The following DAB1 variants were observed in gnomAD, a reference collection of about 807,000 sequenced individuals.
DAB1 encodes the protein DAB adaptor protein 1.
In DAB1, 15 loss-of-function variants were observed where a neutral mutation model predicts 64.6. That is an observed-to-expected ratio of 0.23 (90% CI 0.16 to 0.36). The LOEUF (loss-of-function observed/expected upper bound fraction) is 0.36, where lower values mean the gene tolerates loss of function less well. Ranked by LOEUF, DAB1 falls within the 10% of genes least tolerant of loss-of-function variation. DAB1 has a pLI of 1.00. For missense variants in DAB1, 596 were observed against 706.7 expected (o/e 0.84, Z 1.78); for synonymous variants, 235 against 251.9 (o/e 0.93, Z 0.64).
chr1:57,314,450 A>T (rs1430267925), intron 1 of DAB1, among the ~76,000 whole-genome samples: 1 of 152,104 alleles, frequency 6.6e-6, no homozygotes, highest in Non-Finnish European at 1.5e-5. Flanking sequence ...TCATCAGAGG[A>T]TTGGCAGGTC....
intron 3 of DAB1, among the ~76,000 whole-genome samples, chr1:58,364,747 GA>G (rs536635834): frequency 6.6e-6 from 1 of 152,168 alleles, no homozygotes; most frequent in African/African-American, 2.4e-5. Context: ...CAAACAAGGG[GA>G]AAAAATCCAC....
At chr1:57,127,336 A>T (rs1489642989) in intron 4 of DAB1, among the ~76,000 whole-genome samples, 1 of 152,170 alleles carries the variant, frequency 6.6e-6, no homozygotes, top group Non-Finnish European at 1.5e-5. Flanking sequence ...TCCATTACTC[A>T]GTTGACCCTC....
At chr1:58,535,375 T>A (rs1200809312) in intron 1 of DAB1, among the ~76,000 whole-genome samples, 1 of 152,046 alleles carries the variant, frequency 6.6e-6, no homozygotes, top group Admixed American at 6.5e-5. Flanking sequence ...GGTGGGCAGA[T>A]CACGAGGTCA....
intron 7 of DAB1, among the ~76,000 whole-genome samples, chr1:57,442,769 G>A (rs945172551): frequency 4.6e-5 from 7 of 152,354 alleles, no homozygotes; most frequent in African/African-American, 1.2e-4. Flanking sequence ...CCGCCCCTGC[G>A]AGTGTCATTT....
chr1:58,391,683 G>C (rs917692963), intron 3 of DAB1, among the ~76,000 whole-genome samples: 3 of 152,034 alleles, frequency 2.0e-5, no homozygotes, highest in Non-Finnish European at 2.9e-5. Flanking sequence ...ATTTGACCTA[G>C]TTCCTATGTC....
chr1:58,540,815 G>GA (rs147800455), intron 1 of DAB1, among the ~76,000 whole-genome samples: 26,852 of 142,602 alleles, frequency 0.19, 2,499 homozygotes, highest in African/African-American at 0.24. Flanking sequence ...GGTGTAGACA[G>GA]AAAAAAAAAA....
intron 7 of DAB1, among the ~76,000 whole-genome samples, chr1:57,501,229 A>G (rs1644286144): frequency 6.6e-6 from 1 of 152,212 alleles, no homozygotes; most frequent in African/African-American, 2.4e-5. Context: ...CGCTGTCCTG[A>G]GACCTCCTTG....
At chr1:57,983,651 T>C (rs1046796243) in intron 5 of DAB1, among the ~76,000 whole-genome samples, 4 of 152,208 alleles carry the variant, frequency 2.6e-5, no homozygotes, top group African/African-American at 9.6e-5. Flanking sequence ...AGCGCCGCTA[T>C]TCCTGCAGCA....
intron 5 of DAB1, among the ~76,000 whole-genome samples, chr1:57,953,622 C>G (rs1645323750): frequency 6.6e-6 from 1 of 152,170 alleles, no homozygotes; most frequent in Admixed American, 6.5e-5. Context: ...GATTGCTTTT[C>G]CATTCTTCTC....
chr1:57,878,792 T>G (rs1644095365), intron 1 of DAB1: 1 of 152,146 alleles, frequency 6.6e-6, no homozygotes, highest in South Asian at 2.1e-4. Context: ...CTAGCTGTAA[T>G]TTTGTATCCA....
At chr1:58,499,143 A>G (rs1418476317) in intron 3 of DAB1, among the ~76,000 whole-genome samples, 1 of 152,120 alleles carries the variant, frequency 6.6e-6, no homozygotes, top group East Asian at 1.9e-4. Flanking sequence ...AGAAAGAAAA[A>G]TACTATACAG....
intron 1 of DAB1, among the ~76,000 whole-genome samples, chr1:57,348,287 T>C (rs1336641156): frequency 6.6e-6 from 1 of 152,098 alleles, no homozygotes; most frequent in East Asian, 1.9e-4. Context: ...GCAAGTCCAC[T>C]AAATTTTCAC....
intron 4 of DAB1, among the ~76,000 whole-genome samples, chr1:58,240,725 G>A (rs1660256303): frequency 6.6e-6 from 1 of 152,188 alleles, no homozygotes; most frequent in Non-Finnish European, 1.5e-5. Context: ...GGAAGCTGAT[G>A]CACTTTATTC....
intron 3 of DAB1, among the ~76,000 whole-genome samples, chr1:58,352,644 A>G (rs1644069408): frequency 6.6e-6 from 1 of 151,922 alleles, no homozygotes; most frequent in Non-Finnish European, 1.5e-5. Flanking sequence ...ACATTACACA[A>G]CTCCAGGGGG....
At chr1:58,405,592 T>C (rs1644609409) in intron 3 of DAB1, among the ~76,000 whole-genome samples, 1 of 152,176 alleles carries the variant, frequency 6.6e-6, no homozygotes, top group African/African-American at 2.4e-5. Flanking sequence ...ACTCCTGGGC[T>C]CAAGCGATCC....
intron 4 of DAB1, among the ~76,000 whole-genome samples, chr1:57,110,127 C>T (rs1655524262): frequency 6.6e-6 from 1 of 152,200 alleles, no homozygotes; most frequent in Non-Finnish European, 1.5e-5. Context: ...TCATTTATCA[C>T]ATGCTTATAG....
chr1:57,306,627 T>C (rs1228719973), intron 1 of DAB1, among the ~76,000 whole-genome samples: 1 of 151,526 alleles, frequency 6.6e-6, no homozygotes, highest in Non-Finnish European at 1.5e-5. Flanking sequence ...CTTGGTAAAT[T>C]CGGAAAACAG....
Position 57,011,228 on chromosome 1 carries a change from C to G in DAB1, c.1489G>C (p.Ala497Pro), listed in dbSNP as rs773006703. The G allele has an allele frequency of 3.1e-6, 5 of 1,613,884 alleles. No individual in the cohort carries two copies. The highest frequency in any genetic ancestry group is 2.7e-5 in the African/African-American group (2 of 74,900). ...PRQSSPSKSSASHASDPTTDD... is the reference protein window; with the variant it reads ...PRQSSPSKSSPSHASDPTTDD... ...GTGGTAGGATCACTGGCATGGGATG[C>G]AGATGATTTGGATGGAGAGCTCTGT... Residue 497 changes from alanine to proline, a missense_variant, in exon 13 of 15, where the codon GCA (alanine) becomes CCA (proline). Ala to Pro is a conservative substitution (Grantham distance 27). Transcript: ENST00000371236.
chr1:57,271,104 G>A (rs182814703), intron 2 of DAB1, among the ~76,000 whole-genome samples: 52 of 152,298 alleles, frequency 3.4e-4, no homozygotes, highest in African/African-American at 1.2e-3. Context: ...TCCAGTTGGT[G>A]TAAGCAGCTC....
Sources: gnomAD v4.1 joint callset for allele counts (sites outside exome capture counted in the v4.1 genomes callset) on GRCh38, gnomAD v4.1.1 for gene constraint, MANE v1.5 for transcripts, NCBI Gene and HGNC (gene_info 2026-07-23, HGNC 2026-07-21) for gene names.